C12orf50: variants seen among roughly 807,000 people sequenced by gnomAD.
C12orf50 encodes uncharacterized protein C12orf50.
A neutral mutation model predicts 61.6 loss-of-function variants in C12orf50; 35 were observed. That is an observed-to-expected ratio of 0.57 (90% CI 0.43 to 0.75). The LOEUF is 0.75. Ranked by LOEUF, C12orf50 falls within the 30% of genes least tolerant of loss-of-function variation. C12orf50 has a pLI of 0.00. For synonymous variants in C12orf50, 178 were observed against 161.5 expected (o/e 1.10, Z -0.77); for missense variants, 475 against 488.5 (o/e 0.97, Z 0.26).
At chr12:87,990,205 T>C (rs2031053320) in intron 7 of C12orf50, among the ~76,000 whole-genome samples, 1 of 152,194 alleles carries the variant, frequency 6.6e-6, no homozygotes, top group African/African-American at 2.4e-5. Context: ...TGCTTGAAGT[T>C]ACCCTGTAAG....
At chr12:88,028,518 A>G (rs1199941791) in intron 1 of C12orf50, among the ~76,000 whole-genome samples, 1 of 152,192 alleles carries the variant, frequency 6.6e-6, no homozygotes, top group Non-Finnish European at 1.5e-5. Context: ...ATAAAGTTTA[A>G]TTTATATGTG....
chr12:87,996,662 T>G lies in C12orf50; in HGVS notation c.290-16A>C, dbSNP rs1193010564. ...CTAGAAGCATCTATAGGATATAGAT[T>G]TTTTAAATTAAATTGTCCCAAAGCC... On this transcript the variant is annotated splice_polypyrimidine_tract_variant and intron_variant, in intron 4 of 12. Transcript: ENST00000298699. 6.4e-7 allele frequency: 1 copy of G among 1,559,464 alleles called. No individual in the cohort carries two copies. Among genetic ancestry groups the G allele is most frequent in the African/African-American group, 1.4e-5 (1 of 73,030 alleles).
chr12:88,016,818 G>C (rs374563044), intron 3 of C12orf50, among the ~76,000 whole-genome samples: 1 of 152,094 alleles, frequency 6.6e-6, no homozygotes, highest in African/African-American at 2.4e-5. Context: ...TATTAAACCA[G>C]TAAATTATAT....
At chr12:88,012,364 A>G (rs927731438) in intron 3 of C12orf50, among the ~76,000 whole-genome samples, 1 of 152,240 alleles carries the variant, frequency 6.6e-6, no homozygotes, top group Non-Finnish European at 1.5e-5. Context: ...CACATGCAGT[A>G]CAAAACACAT....
chr12:87,991,122 T>A (rs531686305), intron 7 of C12orf50, among the ~76,000 whole-genome samples: 71 of 152,204 alleles, frequency 4.7e-4, no homozygotes, highest in African/African-American at 1.6e-3. Flanking sequence ...AAATAATGTA[T>A]CATCTACGGC....
chr12:87,999,456 G>A (rs2031559807), intron 3 of C12orf50, among the ~76,000 whole-genome samples: 1 of 151,942 alleles, frequency 6.6e-6, no homozygotes, highest in African/African-American at 2.4e-5. Flanking sequence ...AAAACCAAAT[G>A]AGATATCACT....
chr12:87,980,803 A>G (rs1246184196), intron 12 of C12orf50, among the ~76,000 whole-genome samples: 1 of 152,146 alleles, frequency 6.6e-6, no homozygotes, highest in African/African-American at 2.4e-5. Context: ...TTATCCCCAC[A>G]GTATCCAACA....
At chr12:88,026,710 T>C in intron 2 of C12orf50, 102 bp from the exon 3 acceptor site, 1 of 1,443,982 alleles carries the variant, frequency 6.9e-7, no homozygotes, top group Admixed American at 2.1e-5. Context: ...ACAATTATAG[T>C]TAACTGATTT....
intron 7 of C12orf50, among the ~76,000 whole-genome samples, chr12:87,990,346 A>G (rs749165440): frequency 6.6e-5 from 10 of 152,176 alleles, no homozygotes; most frequent in Non-Finnish European, 1.5e-4. Context: ...CTGAGTGCAC[A>G]TAATGTGCCA....
At chr12:87,984,218 C>T (rs2030679709) in intron 11 of C12orf50, 1 of 152,074 alleles carries the variant, frequency 6.6e-6, no homozygotes, top group Non-Finnish European at 1.5e-5. Flanking sequence ...ATATACTTTG[C>T]CCACTTTTTG....
intron 7 of C12orf50, among the ~76,000 whole-genome samples, chr12:87,990,363 C>G (rs116627634): frequency 0.023 from 3,474 of 152,240 alleles, 139 homozygotes; most frequent in African/African-American, 0.078. Context: ...GCCAGGCATT[C>G]TACTACAGAG....
In C12orf50 at chr12:88,026,586, A is replaced by G; in HGVS notation, c.35T>C (p.Phe12Ser). The stretch of plus-strand genomic sequence containing the variant: ...ACAACCAAGAGGCTGAGTTTCCCAG[A>G]AGCATGAAATGCTGCAGTTTTGCTA... ...EMQQNCSISC[F>S]WETQPLGCVK... Residue 12 changes from phenylalanine (F) to serine (S), a missense_variant, in exon 3 of 13, where the codon TTC becomes TCC. Physicochemically the swap from Phe to Ser is radical, Grantham distance 155 (BLOSUM62 -2). Transcript: ENST00000298699. 1.2e-6 allele frequency: 2 copies of G among 1,613,616 alleles called. No homozygotes were observed. The highest frequency in any genetic ancestry group is 1.7e-6 in the Non-Finnish European group (2 of 1,179,990).
chr12:87,982,871 T>A (rs1366480088), intron 12 of C12orf50, among the ~76,000 whole-genome samples: 2 of 150,456 alleles, frequency 1.3e-5, no homozygotes, highest in Admixed American at 6.6e-5. Context: ...AGGAAAGAAC[T>A]GTATAAAAAC....
rs2032726832 is a variant in C12orf50 at position 88,026,899 on chromosome 12, T to C, written c.12+52A>G. ...TGTTTTGAAAAAGTATAATTCAGCA[T>C]TATTGAAGGGAAATACTTTTTGACA... On this transcript the variant is annotated intron_variant, in intron 2 of 12. Transcript: ENST00000298699. The C allele has an allele frequency of 2.5e-6, 4 of 1,584,938 alleles. No individual in the cohort carries two copies. In the South Asian group the frequency reaches 4.6e-5, roughly 18 times the overall value.
Position 87,986,382 on chromosome 12 carries a change from A to C in C12orf50, c.852T>G (p.Phe284Leu). The change falls in exon 10 of 13, where the codon TTT (phenylalanine) becomes TTG (leucine). Residue 284 changes from phenylalanine to leucine, a missense_variant. Physicochemically the swap from Phe to Leu is conservative, Grantham distance 22. Coordinates refer to ENST00000298699, the MANE Select transcript of C12orf50 (RefSeq NM_152589.3). Reference protein sequence around the residue: ...NDVQPVKKPHFKGVKKRKWIY... With the variant: ...NDVQPVKKPHLKGVKKRKWIY... Reference sequence around the variant, plus strand: ...TCCATTTTCTTTTCTTCACACCTTTAAAATGAGGCTTCTTCACTGGCTGGA... The same window carrying C: ...TCCATTTTCTTTTCTTCACACCTTTCAAATGAGGCTTCTTCACTGGCTGGA... 1 of 1,610,676 alleles carries C rather than the reference A, an allele frequency of 6.2e-7. No homozygotes were observed. The highest frequency in any genetic ancestry group is 1.7e-4 in the Middle Eastern group (1 of 6,036).
chr12:88,019,059 C>A (rs916721152), intron 3 of C12orf50, among the ~76,000 whole-genome samples: 2 of 151,970 alleles, frequency 1.3e-5, no homozygotes, highest in Non-Finnish European at 1.5e-5. Context: ...AATGTGAGGA[C>A]ATGAGATTTG....
Position 87,988,924 on chromosome 12 carries a change from C to G in C12orf50, c.700+340G>C, listed in dbSNP as rs185701488. On this transcript the variant is annotated intron_variant, in intron 8 of 12. Coordinates refer to ENST00000298699, the MANE Select transcript of C12orf50 (RefSeq NM_152589.3). ...ATACAAAAGTCTTTTTGAGATTAAACTCTTCACAATGTTCACAAACAACGT... is the reference window on the plus strand; with the variant it reads ...ATACAAAAGTCTTTTTGAGATTAAAGTCTTCACAATGTTCACAAACAACGT... 1.3e-3 allele frequency among the ~76,000 whole-genome samples: 203 copies of G among 152,190 alleles called. 1 individual carries two copies. The highest frequency in any genetic ancestry group is 0.01 in the Middle Eastern group (3 of 294).
chr12:88,011,441 C>T (rs1015665115), intron 3 of C12orf50, among the ~76,000 whole-genome samples: 1 of 152,182 alleles, frequency 6.6e-6, no homozygotes, highest in Admixed American at 6.5e-5. Flanking sequence ...ATTACTCACT[C>T]TTTGCCAAGA....
At chr12:88,010,917 A>G (rs2032085438) in intron 3 of C12orf50, among the ~76,000 whole-genome samples, 1 of 152,128 alleles carries the variant, frequency 6.6e-6, no homozygotes, top group Admixed American at 6.6e-5. Context: ...GTATTATTAT[A>G]TCTTCATTGA....
Sources: allele counts gnomAD v4.1 joint callset (sites outside exome capture counted in the v4.1 genomes callset), GRCh38; gene constraint gnomAD v4.1.1; transcripts MANE v1.5; gene names NCBI Gene and HGNC (gene_info 2026-07-23, HGNC 2026-07-21).